ROS1: variants seen among roughly 807,000 people sequenced by gnomAD.
ROS1 encodes ROS proto-oncogene 1, receptor tyrosine kinase.
In ROS1, 263 loss-of-function variants were observed where a neutral mutation model predicts 273.5. The ratio of observed to expected loss-of-function variants is 0.96; its 90% CI spans 0.87 to 1.06. ROS1 has a LOEUF of 1.06. Ranked by LOEUF, ROS1 falls within the 50% of genes least tolerant of loss-of-function variation. The pLI, the probability that ROS1 is intolerant of heterozygous loss-of-function variation, is 0.00. For synonymous variants in ROS1, 1,008 were observed against 954.1 expected (o/e 1.06, Z -1.04); for missense variants, 2,833 against 2,751.1 (o/e 1.03, Z -0.67).
At chr6:117,292,621 C>T (rs1291285314) in intron 43 of ROS1, among the ~76,000 whole-genome samples, 1 of 152,196 alleles carries the variant, frequency 6.6e-6, no homozygotes, top group Admixed American at 6.5e-5. Flanking sequence ...CTTCAACCAT[C>T]TATATTTACA....
At position 117,425,793 on chromosome 6, in the gene ROS1, T is replaced by C; in HGVS notation, c.-137A>G. 2 of 880,804 alleles carry C rather than the reference T, an allele frequency of 2.3e-6. No individual in the cohort carries two copies. The highest frequency in any genetic ancestry group is 3.5e-6 in the Non-Finnish European group (2 of 566,190). The allele number at this position is 880,804 out of a possible 1,614,324, so 54.6% of individuals were successfully genotyped here. On this transcript the variant is annotated 5_prime_UTR_variant, in exon 1 of 44. Coordinates refer to ENST00000368507, the MANE Select transcript of ROS1 (RefSeq NM_001378902.1). ...TTGTTTGTTTTGCTATATTAGGATA[T>C]ACTTGCCTTTTGAAATAATACTTAG... is the stretch of plus-strand genomic sequence containing the variant.
At chr6:117,290,404 T>C (rs1330989999) in intron 43 of ROS1, among the ~76,000 whole-genome samples, 2 of 152,318 alleles carry the variant, frequency 1.3e-5, no homozygotes, top group South Asian at 4.1e-4. Context: ...GAGACTGCGA[T>C]AGTAGAGATA....
intron 12 of ROS1, among the ~76,000 whole-genome samples, chr6:117,392,867 C>T (rs1314053972): frequency 1.3e-5 from 2 of 152,128 alleles, no homozygotes; most frequent in African/African-American, 2.4e-5. Flanking sequence ...AATGAAGGGG[C>T]TTTATCACAG....
intron 34 of ROS1, among the ~76,000 whole-genome samples, chr6:117,325,365 A>G (rs1776559230): frequency 6.6e-6 from 1 of 152,172 alleles, no homozygotes; most frequent in African/African-American, 2.4e-5. Context: ...AGGCAAACAC[A>G]GGGCCAAAGA....
At chr6:117,402,733 C>T (rs1172218287) in intron 7 of ROS1, among the ~76,000 whole-genome samples, 1 of 151,720 alleles carries the variant, frequency 6.6e-6, no homozygotes, top group Non-Finnish European at 1.5e-5. Context: ...ACTAAAAATA[C>T]AAAAAATTAG....
At chr6:117,348,038 T>A (rs1405230748) in intron 27 of ROS1, among the ~76,000 whole-genome samples, 1 of 152,050 alleles carries the variant, frequency 6.6e-6, no homozygotes, top group Non-Finnish European at 1.5e-5. Context: ...AATTTTCTTT[T>A]CTTGTAATAT....
intron 43 of ROS1, among the ~76,000 whole-genome samples, chr6:117,296,113 A>G (rs571520475): frequency 1.3e-5 from 2 of 152,258 alleles, no homozygotes; most frequent in East Asian, 3.9e-4. Flanking sequence ...AGATAAATGG[A>G]TAGGCCAGGC....
intron 32 of ROS1, among the ~76,000 whole-genome samples, chr6:117,331,386 G>A (rs1481914693): frequency 6.6e-6 from 1 of 152,156 alleles, no homozygotes; most frequent in Non-Finnish European, 1.5e-5. Flanking sequence ...AGGAGGAGAT[G>A]GGGAAAATGG....
intron 33 of ROS1, among the ~76,000 whole-genome samples, chr6:117,327,003 A>G (rs535874520): frequency 6.6e-6 from 1 of 152,354 alleles, no homozygotes; most frequent in African/African-American, 2.4e-5. Context: ...TTCAAAAGAC[A>G]TAACTGGAAT....
At position 117,288,372 on chromosome 6, in the gene ROS1, G is replaced by T; in HGVS notation, c.*120C>A. The T allele has an allele frequency of 4.3e-6, 4 of 933,144 alleles. No homozygotes were observed. Among genetic ancestry groups the T allele is most frequent in the Non-Finnish European group, 4.8e-6 (3 of 624,782 alleles). 57.8% of individuals were successfully genotyped at this position (933,144 alleles called of 1,614,324 possible). A position where few individuals can be genotyped will look rare whatever the true frequency, so the allele number is the denominator to read the frequency against. The stretch of plus-strand genomic sequence containing the variant: ...AGAACCAAGATTAGAAATCAGGAAC[G>T]TTGCATTGTTTATTTGGAGTTATAG... On this transcript the variant is annotated 3_prime_UTR_variant, in exon 44 of 44. Transcript: ENST00000368507.
chr6:117,379,692 A>G (rs547281289), intron 17 of ROS1, among the ~76,000 whole-genome samples: 92 of 152,250 alleles, frequency 6.0e-4, no homozygotes, highest in African/African-American at 1.9e-3. Context: ...TCTATTAATT[A>G]TGATCTCTGG....
At chr6:117,413,622 C>A (rs890336319) in intron 4 of ROS1, among the ~76,000 whole-genome samples, 3 of 152,052 alleles carry the variant, frequency 2.0e-5, no homozygotes, top group Non-Finnish European at 4.4e-5. Context: ...ACATTACTTA[C>A]CATTGGGAGA....
At chr6:117,372,639 G>A (rs13216390) in intron 18 of ROS1, among the ~76,000 whole-genome samples, 9,807 of 152,238 alleles carry the variant, frequency 0.064, 374 homozygotes, top group Middle Eastern at 0.092. Flanking sequence ...TTCGTGGTGA[G>A]TGTTACAGCT....
chr6:117,375,942 G>T (rs985756355), intron 18 of ROS1, among the ~76,000 whole-genome samples: 66 of 152,036 alleles, frequency 4.3e-4, no homozygotes, highest in Non-Finnish European at 1.2e-4. Flanking sequence ...TTAAATGCCA[G>T]TGAGTGGAAT....
At chr6:117,298,566 A>T (rs1377766297) in intron 43 of ROS1, among the ~76,000 whole-genome samples, 2 of 152,218 alleles carry the variant, frequency 1.3e-5, no homozygotes, top group Non-Finnish European at 2.9e-5. Context: ...GAACCAGGCC[A>T]TGCTGGAGCA....
chr6:117,380,478 A>T (rs890279212), intron 17 of ROS1, among the ~76,000 whole-genome samples: 4 of 151,244 alleles, frequency 2.6e-5, no homozygotes, highest in African/African-American at 9.8e-5. Context: ...TCCTTGCTCC[A>T]TGCTGAGAGA....
At position 117,341,450 on chromosome 6, in the gene ROS1, G is replaced by C; in HGVS notation, c.4834C>G (p.Leu1612Val). The change falls in exon 30 of 44, where the codon CTC becomes GTC. Residue 1612 changes from leucine to valine, a missense_variant. Coordinates refer to ENST00000368507, the MANE Select transcript of ROS1 (RefSeq NM_001378902.1). ...GACAGTCTAGTAACAAGGAGAGTGAGCCTTCCATTTGGAAATTCACTTTGT... is the reference window on the plus strand; with the variant it reads ...GACAGTCTAGTAACAAGGAGAGTGACCCTTCCATTTGGAAATTCACTTTGT... ...LRQSEFPNGRLTLLVTRLSGG... is the reference protein window; with the variant it reads ...LRQSEFPNGRVTLLVTRLSGG... 2 of 1,613,866 alleles carry C rather than the reference G, an allele frequency of 1.2e-6. No homozygotes were observed. The highest frequency in any genetic ancestry group is 2.2e-5 in the South Asian group (2 of 91,076).
At chr6:117,363,742 G>T (rs1779988337) in intron 21 of ROS1, among the ~76,000 whole-genome samples, 1 of 152,128 alleles carries the variant, frequency 6.6e-6, no homozygotes, top group Non-Finnish European at 1.5e-5. Flanking sequence ...ATAGGTGAAG[G>T]TTTCATAGGC....
chr6:117,358,107 C>G, intron 24 of ROS1, 98 bp from the exon 25 acceptor site: 1 of 755,008 alleles, frequency 1.3e-6, no homozygotes, highest in Non-Finnish European at 2.2e-6. Flanking sequence ...TACTGCACTT[C>G]TCATTTGTAA....
Sources: allele counts gnomAD v4.1 joint callset (sites outside exome capture counted in the v4.1 genomes callset), GRCh38; gene constraint gnomAD v4.1.1; transcripts MANE v1.5; gene names NCBI Gene and HGNC (gene_info 2026-07-23, HGNC 2026-07-21).